The following CDH13 variants were observed in gnomAD, a reference collection of about 807,000 sequenced individuals.
CDH13 encodes the protein cadherin-13.
A neutral mutation model predicts 63.8 loss-of-function variants in CDH13; 24 were observed. The observed-to-expected ratio is 0.38, with a 90% confidence interval of 0.27 to 0.53. The LOEUF (loss-of-function observed/expected upper bound fraction) is 0.53, where lower values mean the gene tolerates loss of function less well. Ranked by LOEUF, CDH13 falls within the 20% of genes least tolerant of loss-of-function variation. The pLI, the probability that CDH13 is intolerant of heterozygous loss-of-function variation, is 0.85. For synonymous variants in CDH13, 503 were observed against 355.3 expected (o/e 1.42, Z -4.67); for missense variants, 1,049 against 903.1 (o/e 1.16, Z -2.07).
intron 2 of CDH13, among the ~76,000 whole-genome samples, chr16:82,919,577 A>T (rs1426328581): frequency 6.6e-6 from 1 of 152,196 alleles, no homozygotes; most frequent in African/African-American, 2.4e-5. Context: ...TCCACAGTGT[A>T]CTTGTACCAC....
At chr16:82,856,552 A>G (rs866814061) in intron 1 of CDH13, among the ~76,000 whole-genome samples, 4 of 151,160 alleles carry the variant, frequency 2.6e-5, no homozygotes, top group Middle Eastern at 3.2e-3. Context: ...AAATAGAAAA[A>G]TTAGCTGGGC....
chr16:83,255,028 A>G (rs1385799108), intron 5 of CDH13, among the ~76,000 whole-genome samples: 1 of 116,870 alleles, frequency 8.6e-6, no homozygotes, highest in East Asian at 2.6e-4. Context: ...GCAGCTGATC[A>G]GTGCTCCTCA....
chr16:83,029,319 C>G (rs1338349641), intron 2 of CDH13, among the ~76,000 whole-genome samples: 1 of 152,108 alleles, frequency 6.6e-6, no homozygotes, highest in Non-Finnish European at 1.5e-5. Context: ...TAACAGTGTG[C>G]TAGGATCTAT....
chr16:82,772,562 C>T (rs1164903652), intron 1 of CDH13, among the ~76,000 whole-genome samples: 1 of 152,130 alleles, frequency 6.6e-6, no homozygotes, highest in Non-Finnish European at 1.5e-5. Flanking sequence ...AGAAAAAAAC[C>T]TAGAAATAAC....
intron 1 of CDH13, among the ~76,000 whole-genome samples, chr16:82,645,633 C>A (rs984068026): frequency 1.3e-5 from 2 of 152,170 alleles, no homozygotes; most frequent in African/African-American, 4.8e-5. Context: ...TGCATAGCTT[C>A]ATACTCACCC....
Position 82,858,475 on chromosome 16 carries a change from T to C in CDH13, c.157+2T>C. On this transcript the variant is annotated splice_donor_variant, in intron 2 of 13. Coordinates refer to ENST00000567109, the MANE Select transcript of CDH13 (RefSeq NM_001257.5). LOFTEE classifies it high-confidence loss of function. ...TTGAGGACCAGTCAATTCTAAACTG[T>C]AAGCAATGTCACTCAAAGATGCTTT... 6.5e-7 allele frequency: 1 copy of C among 1,547,260 alleles called. No individual in the cohort carries two copies. The highest frequency in any genetic ancestry group is 8.9e-7 in the Non-Finnish European group (1 of 1,119,222).
chr16:82,705,108 T>C, intron 1 of CDH13: 2 of 455,834 alleles, frequency 4.4e-6, no homozygotes, highest in Non-Finnish European at 8.8e-6. Flanking sequence ...CTGCAATTTA[T>C]CAAAAATAAA....
chr16:82,678,779 G>A (rs1485642331), intron 1 of CDH13, among the ~76,000 whole-genome samples: 3 of 152,218 alleles, frequency 2.0e-5, no homozygotes, highest in Admixed American at 2.0e-4. Context: ...CTGAAAAAGT[G>A]TGGGAAGTTT....
chr16:83,235,305 C>T (rs1361691251), intron 5 of CDH13, among the ~76,000 whole-genome samples: 1 of 152,124 alleles, frequency 6.6e-6, no homozygotes, highest in Non-Finnish European at 1.5e-5. Flanking sequence ...GACGCAGGTC[C>T]GAGTGCCAAT....
chr16:83,226,656 G>C (rs190843623), intron 5 of CDH13, among the ~76,000 whole-genome samples: 1 of 152,284 alleles, frequency 6.6e-6, no homozygotes, highest in Admixed American at 6.5e-5. Flanking sequence ...CTTTCCCAAG[G>C]TGCGGAAGCA....
At chr16:83,287,331 C>T (rs866195478) in intron 5 of CDH13, among the ~76,000 whole-genome samples, 9 of 152,158 alleles carry the variant, frequency 5.9e-5, no homozygotes, top group East Asian at 1.9e-4. Context: ...GGCCACAGGC[C>T]AGTACTAGCC....
intron 7 of CDH13, among the ~76,000 whole-genome samples, chr16:83,582,835 T>A (rs532001997): frequency 6.6e-6 from 1 of 152,300 alleles, no homozygotes; most frequent in Non-Finnish European, 1.5e-5. Context: ...CCAGTTGGAC[T>A]TTCAGCCTGA....
intron 5 of CDH13, among the ~76,000 whole-genome samples, chr16:83,333,463 G>T (rs1241481969): frequency 6.6e-6 from 1 of 152,034 alleles, no homozygotes; most frequent in Non-Finnish European, 1.5e-5. Context: ...TGCTCTTCTG[G>T]GAGACTGTCA....
rs183388630 is a variant in CDH13 at position 83,369,340 on chromosome 16, C to G, written c.781+24334C>G. The stretch of plus-strand genomic sequence containing the variant: ...TTTTCCTGAACACACCATCTCTCAT[C>G]ATTCTTGATGCTAAAATATAAGCAT... On this transcript the variant is annotated intron_variant, in intron 6 of 13. Coordinates refer to ENST00000567109, the MANE Select transcript of CDH13 (RefSeq NM_001257.5). Among the ~76,000 whole-genome samples the G allele has an allele frequency of 7.8e-4, 119 of 152,144 alleles. 1 individual carries two copies. The highest frequency in any genetic ancestry group is 2.6e-3 in the African/African-American group (109 of 41,522).
chr16:83,344,464 T>C (rs1329777893), intron 5 of CDH13, among the ~76,000 whole-genome samples: 1 of 152,250 alleles, frequency 6.6e-6, no homozygotes, highest in Non-Finnish European at 1.5e-5. Flanking sequence ...TATCTCTTAA[T>C]GTACTTGGTT....
At chr16:82,825,108 C>T (rs1363617621) in intron 1 of CDH13, 3 of 152,126 alleles carry the variant, frequency 2.0e-5, no homozygotes, top group Non-Finnish European at 2.9e-5. Flanking sequence ...GTTCATCATA[C>T]GAATCTCTCC....
At chr16:83,745,502 G>A (rs1009989319) in intron 10 of CDH13, among the ~76,000 whole-genome samples, 1 of 151,886 alleles carries the variant, frequency 6.6e-6, no homozygotes, top group Non-Finnish European at 1.5e-5. Context: ...GGGAACACTC[G>A]GAGGGGCTCT....
intron 6 of CDH13, among the ~76,000 whole-genome samples, chr16:83,345,287 A>G (rs797018049): frequency 2.6e-5 from 4 of 152,322 alleles, no homozygotes; most frequent in African/African-American, 9.6e-5. Context: ...GGCACCATGT[A>G]AATATCCAGC....
chr16:83,060,089 C>T (rs189423891), intron 3 of CDH13, among the ~76,000 whole-genome samples: 73 of 152,202 alleles, frequency 4.8e-4, no homozygotes, highest in Admixed American at 2.9e-3. Flanking sequence ...CCACCGCACC[C>T]GGCCTACTTT....
Sources: allele counts gnomAD v4.1 joint callset (sites outside exome capture counted in the v4.1 genomes callset), GRCh38; gene constraint gnomAD v4.1.1; transcripts MANE v1.5; gene names NCBI Gene and HGNC (gene_info 2026-07-23, HGNC 2026-07-21).